The following PARD3B variants were observed in gnomAD, a reference collection of about 807,000 sequenced individuals.
PARD3B encodes the protein par-3 family cell polarity regulator beta, also known as partitioning defective 3 homolog B.
In PARD3B, 103 loss-of-function variants were observed where a neutral mutation model predicts 130.2. The observed-to-expected ratio is 0.79, with a 90% CI of 0.67 to 0.93. PARD3B has a LOEUF of 0.93. Among genes scored for constraint, PARD3B ranks in the 40% least tolerant of loss-of-function variants. The probability of loss-of-function intolerance (pLI) is 0.00; values close to 1 mark genes in which losing one functional copy is unlikely to be tolerated. For missense variants in PARD3B, 1,609 were observed against 1,499.2 expected (o/e 1.07, Z -1.21); for synonymous variants, 583 against 553.2 (o/e 1.05, Z -0.76).
intron 2 of PARD3B, among the ~76,000 whole-genome samples, chr2:204,941,277 G>A (rs1688880229): frequency 6.6e-6 from 1 of 152,200 alleles, no homozygotes; most frequent in African/African-American, 2.4e-5. Context: ...AGGAGGCTGA[G>A]GGAGGAGAAT....
chr2:205,007,154 C>A (rs1231351459), intron 3 of PARD3B, among the ~76,000 whole-genome samples: 2 of 151,958 alleles, frequency 1.3e-5, no homozygotes, highest in Non-Finnish European at 2.9e-5. Flanking sequence ...TGGTATTTCC[C>A]CTGCTTGCTC....
intron 21 of PARD3B, among the ~76,000 whole-genome samples, chr2:205,503,397 T>A (rs1259779756): frequency 2.0e-5 from 3 of 152,126 alleles, no homozygotes; most frequent in Admixed American, 1.3e-4. Flanking sequence ...GTTCTTTTTT[T>A]TTTTCATACT....
At chr2:205,377,395 A>G (rs1478140758) in intron 18 of PARD3B, among the ~76,000 whole-genome samples, 1 of 152,102 alleles carries the variant, frequency 6.6e-6, no homozygotes, top group African/African-American at 2.4e-5. Flanking sequence ...TAAGCTCCTC[A>G]TGATCATAGA....
At chr2:204,597,188 C>T (rs546638481) in intron 1 of PARD3B, among the ~76,000 whole-genome samples, 18 of 151,628 alleles carry the variant, frequency 1.2e-4, no homozygotes, top group Non-Finnish European at 1.6e-4. Context: ...TTCCATTGTT[C>T]TGTGTAATGC....
rs1559277425 is a variant in PARD3B, at chr2:205,616,897, G to C, written c.*1084G>C. The C allele has an allele frequency of 6.5e-6, 1 of 154,330 alleles. No individual in the cohort carries two copies. Among genetic ancestry groups the C allele is most frequent in the South Asian group, 2.0e-4 (1 of 4,898 alleles). The allele number at this position is 154,330 out of a possible 1,614,324, so 9.6% of individuals were successfully genotyped here. A position where few individuals can be genotyped will look rare whatever the true frequency, so the allele number is the denominator to read the frequency against. On this transcript the variant is annotated 3_prime_UTR_variant, in exon 23 of 23. Transcript: ENST00000406610. ...ATTAGATGGAAGTGAATGAGAGAGA[G>C]AGAGAGAGAGAGTATGTGTGTGTGT...
At chr2:205,377,107 A>G (rs183201473) in intron 18 of PARD3B, among the ~76,000 whole-genome samples, 40 of 152,278 alleles carry the variant, frequency 2.6e-4, no homozygotes, top group Admixed American at 2.4e-3. Flanking sequence ...TAGCTGGGAG[A>G]ATGCACAGCT....
At chr2:204,592,713 C>T (rs774191922) in intron 1 of PARD3B, among the ~76,000 whole-genome samples, 7 of 152,194 alleles carry the variant, frequency 4.6e-5, no homozygotes, top group Non-Finnish European at 8.8e-5. Flanking sequence ...CATCACTACA[C>T]AGTTTTGGAA....
chr2:205,536,639 CG>C (rs1048507489), intron 21 of PARD3B, among the ~76,000 whole-genome samples: 12 of 152,150 alleles, frequency 7.9e-5, no homozygotes, highest in Non-Finnish European at 1.5e-4. Flanking sequence ...GGAAGATACT[CG>C]GAGAGACCTG....
intron 2 of PARD3B, among the ~76,000 whole-genome samples, chr2:204,920,949 G>A (rs1250660593): frequency 1.3e-5 from 2 of 152,112 alleles, no homozygotes; most frequent in Non-Finnish European, 2.9e-5. Context: ...ATTCCTATAT[G>A]TCCACTCACT....
intron 1 of PARD3B, among the ~76,000 whole-genome samples, chr2:204,577,403 A>G (rs2032319665): frequency 6.6e-6 from 1 of 152,312 alleles, no homozygotes; most frequent in Admixed American, 6.5e-5. Flanking sequence ...TACCTAGCCC[A>G]TGGTCACCCA....
intron 2 of PARD3B, among the ~76,000 whole-genome samples, chr2:204,935,647 T>C (rs1688397549): frequency 6.6e-6 from 1 of 152,052 alleles, no homozygotes; most frequent in African/African-American, 2.4e-5. Context: ...CCTTCTGTTC[T>C]TTTAAAAAGT....
chr2:205,549,872 T>C (rs1355839117), intron 21 of PARD3B, among the ~76,000 whole-genome samples: 1 of 152,172 alleles, frequency 6.6e-6, no homozygotes, highest in East Asian at 1.9e-4. Context: ...AGGTTATGCA[T>C]GTGTAGGGGT....
At chr2:204,703,604 A>G (rs2037996488) in intron 2 of PARD3B, among the ~76,000 whole-genome samples, 1 of 152,156 alleles carries the variant, frequency 6.6e-6, no homozygotes, top group Non-Finnish European at 1.5e-5. Context: ...TGAGGATTTC[A>G]AGCTGTGTAA....
At chr2:205,499,005 C>A (rs4675532) in intron 20 of PARD3B, among the ~76,000 whole-genome samples, 62,685 of 151,922 alleles carry the variant, frequency 0.41, 13,431 homozygotes, top group Admixed American at 0.51. Flanking sequence ...TTTTTCCATT[C>A]CCAGATTTTA....
chr2:204,589,078 C>G (rs2032962163), intron 1 of PARD3B, among the ~76,000 whole-genome samples: 1 of 151,998 alleles, frequency 6.6e-6, no homozygotes, highest in African/African-American at 2.4e-5. Context: ...TAAGGGACAC[C>G]CACGGAAGGT....
At chr2:204,683,976 G>A (rs1432963413) in intron 1 of PARD3B, among the ~76,000 whole-genome samples, 8 of 152,174 alleles carry the variant, frequency 5.3e-5, no homozygotes, top group Non-Finnish European at 8.8e-5. Context: ...CCCAGTGTGC[G>A]TGAGGGAGGA....
chr2:204,962,235 A>G (rs369032805), intron 2 of PARD3B, among the ~76,000 whole-genome samples: 2 of 152,240 alleles, frequency 1.3e-5, no homozygotes, highest in East Asian at 1.9e-4. Flanking sequence ...GGACACTGGC[A>G]TCATAGAAGG....
intron 20 of PARD3B, among the ~76,000 whole-genome samples, chr2:205,452,907 C>T (rs1225825338): frequency 6.6e-6 from 1 of 152,118 alleles, no homozygotes; most frequent in Non-Finnish European, 1.5e-5. Context: ...GGAATGTTTG[C>T]CAAAGGGTTA....
chr2:204,594,804 GAAATT>G (rs1229046102), intron 1 of PARD3B, among the ~76,000 whole-genome samples: 3 of 152,064 alleles, frequency 2.0e-5, no homozygotes, highest in East Asian at 1.9e-4. Context: ...GTATAACAAA[GAAATT>G]AAAAAGTACT....
Sources: gnomAD v4.1 joint callset for allele counts (sites outside exome capture counted in the v4.1 genomes callset) on GRCh38, gnomAD v4.1.1 for gene constraint, MANE v1.5 for transcripts, NCBI Gene and HGNC (gene_info 2026-07-23, HGNC 2026-07-21) for gene names.